The following PHF20L1 variants were observed in gnomAD, a reference collection of about 807,000 sequenced individuals.
PHF20L1 encodes the protein PHD finger protein 20-like protein 1.
In PHF20L1, 44 loss-of-function variants were observed where a neutral mutation model predicts 125.5. That is an observed-to-expected ratio of 0.35 (90% CI 0.28 to 0.45). PHF20L1 has a LOEUF of 0.45. PHF20L1 is among the 20% of genes least tolerant of loss of function. The pLI, the probability that PHF20L1 is intolerant of heterozygous loss-of-function variation, is 1.00. For synonymous variants in PHF20L1, 380 were observed against 403.1 expected (o/e 0.94, Z 0.69); for missense variants, 1,012 against 1,217.2 (o/e 0.83, Z 2.51).
chr8:132,807,207 T>C (rs1833831947), intron 8 of PHF20L1: 1 of 158,492 alleles, frequency 6.3e-6, no homozygotes, highest in African/African-American at 2.4e-5. Context: ...GTGCAATATA[T>C]ATATACACAC....
chr8:132,780,235 T>A (rs1330211813), intron 2 of PHF20L1, among the ~76,000 whole-genome samples: 1 of 152,150 alleles, frequency 6.6e-6, no homozygotes, highest in Non-Finnish European at 1.5e-5. Flanking sequence ...GGTGTGCTCT[T>A]GGACCAACTA....
At chr8:132,817,117 A>G (rs1294566272) in intron 11 of PHF20L1, 41 bp downstream of exon 11, 2 of 1,260,124 alleles carry the variant, frequency 1.6e-6, no homozygotes, top group African/African-American at 1.5e-5. Flanking sequence ...ACATAAAAGA[A>G]GATAAAGAAA....
chr8:132,807,081 A>G (rs550524868), intron 8 of PHF20L1: 3 of 152,156 alleles, frequency 2.0e-5, no homozygotes, highest in Admixed American at 2.0e-4. Context: ...CAGTATATGG[A>G]ATACGTATAT....
chr8:132,832,669 A>G (rs1400434995), intron 15 of PHF20L1, among the ~76,000 whole-genome samples: 4 of 152,112 alleles, frequency 2.6e-5, no homozygotes, highest in Non-Finnish European at 5.9e-5. Flanking sequence ...ATTCTTCACT[A>G]TCAACTGACA....
rs190759563 is a variant in PHF20L1 at position 132,813,388 on chromosome 8, T to C, written c.931-1249T>C. 3.5e-3 allele frequency among the ~76,000 whole-genome samples: 535 copies of C among 152,138 alleles called. 2 individuals are homozygous for C. The highest frequency in any genetic ancestry group is 5.1e-3 in the Non-Finnish European group (345 of 67,918). ...CTTTTATGTGGTATGTCCAACATGC[T>C]GTCTATAGAGCATTGAAGGTGCCCT... On this transcript the variant is annotated intron_variant, in intron 9 of 20. Transcript: ENST00000395386.
intron 9 of PHF20L1, chr8:132,811,466 G>GT (rs1834382132): frequency 3.0e-6 from 3 of 1,000,390 alleles, no homozygotes; most frequent in African/African-American, 1.7e-5. Flanking sequence ...TTAAAACAGG[G>GT]TTTTTTGACA....
intron 12 of PHF20L1, chr8:132,818,766 T>G (rs574324002): frequency 1.3e-5 from 2 of 152,004 alleles, no homozygotes; most frequent in South Asian, 4.1e-4. Context: ...TTGAGATACT[T>G]TTTTGATAAA....
At chr8:132,843,615 G>GTC (rs1371258197) in intron 19 of PHF20L1, 3 of 970,188 alleles carry the variant, frequency 3.1e-6, no homozygotes, top group Non-Finnish European at 3.7e-6. Context: ...TTGTGTGTGT[G>GTC]TGTGTGTGTG....
At chr8:132,790,354 C>A (rs1293793267) in intron 2 of PHF20L1, among the ~76,000 whole-genome samples, 3 of 152,116 alleles carry the variant, frequency 2.0e-5, no homozygotes, top group Non-Finnish European at 1.5e-5. Flanking sequence ...TGTTAAATTA[C>A]CATTTAATGC....
At chr8:132,815,201 G>A (rs1834823231) in intron 10 of PHF20L1, 1 of 182,810 alleles carries the variant, frequency 5.5e-6, no homozygotes, top group East Asian at 1.3e-4. Context: ...GTTATAAAAA[G>A]ACCCAGGATA....
At chr8:132,822,953 T>TA (rs1835763256) in intron 12 of PHF20L1, among the ~76,000 whole-genome samples, 1 of 151,960 alleles carries the variant, frequency 6.6e-6, no homozygotes, top group Non-Finnish European at 1.5e-5. Flanking sequence ...TGTACTGTAG[T>TA]ATTTTTCTTA....
chr8:132,776,806 GAC>G (rs1829842271), intron 1 of PHF20L1, among the ~76,000 whole-genome samples: 1 of 152,174 alleles, frequency 6.6e-6, no homozygotes, highest in Non-Finnish European at 1.5e-5. Context: ...AATACCGAAA[GAC>G]ATTTTACGGA....
rs776466562 is a variant in PHF20L1 at position 132,804,752 on chromosome 8, T to TG, written c.847+13dup. 1 of 1,580,956 alleles carries TG rather than the reference T, an allele frequency of 6.3e-7. No homozygotes were observed. Among genetic ancestry groups the TG allele is most frequent in the Non-Finnish European group, 8.6e-7 (1 of 1,166,978 alleles). On this transcript the variant is annotated intron_variant, in intron 8 of 20. Transcript: ENST00000395386. ...TAACAAGATTACTGGTAAACTACAATGATTTTTTTTTTGAGGGGGGGAAAT... is the reference window on the plus strand; with the variant it reads ...TAACAAGATTACTGGTAAACTACAATGGATTTTTTTTTTGAGGGGGGGAAAT...
At chr8:132,816,805 A>AT (rs1216171400) in intron 10 of PHF20L1, 83 bp from the exon 11 acceptor site, 1 of 897,564 alleles carries the variant, frequency 1.1e-6, no homozygotes, top group Non-Finnish European at 1.8e-6. Context: ...AATATAAATC[A>AT]TTTTTTCCCA....
intron 9 of PHF20L1, among the ~76,000 whole-genome samples, chr8:132,814,014 GTT>G (rs1349839636): frequency 1.3e-4 from 19 of 150,710 alleles, no homozygotes; most frequent in Admixed American, 1.3e-3. Flanking sequence ...GTTTTGTATT[GTT>G]TTTTAGTCTT....
chr8:132,843,445 A>T (rs558173818), intron 19 of PHF20L1: 1 of 979,102 alleles, frequency 1.0e-6, no homozygotes, highest in African/African-American at 1.8e-5. Flanking sequence ...TTAAAATTAG[A>T]TGTTTTTTTT....
At position 132,803,862 on chromosome 8, in the gene PHF20L1, A is replaced by G. The variant is rs1216027722; in HGVS notation, c.551A>G (p.Lys184Arg). 6.2e-7 allele frequency: 1 copy of G among 1,609,782 alleles called. No individual in the cohort carries two copies. The highest frequency in any genetic ancestry group is 1.7e-5 in the Admixed American group (1 of 59,748). Residue 184 changes from lysine to arginine, a missense_variant, in exon 7 of 21, where the codon AAG (lysine) becomes AGG (arginine). By Grantham distance (26) the Lys-to-Arg change is conservative. Coordinates refer to ENST00000395386, the MANE Select transcript of PHF20L1 (RefSeq NM_016018.5). The part of the protein sequence containing the change: ...LVKAAAAAAA[K>R]NKTGSKPRTS... Reference sequence around the variant, plus strand: ...AAAGCAGCTGCTGCAGCTGCAGCCAAGAACAAAACAGGGAGTAAACCTCGA... The same window carrying G: ...AAAGCAGCTGCTGCAGCTGCAGCCAGGAACAAAACAGGGAGTAAACCTCGA...
At chr8:132,833,677 T>C (rs1197768060) in intron 15 of PHF20L1, among the ~76,000 whole-genome samples, 1 of 152,084 alleles carries the variant, frequency 6.6e-6, no homozygotes, top group African/African-American at 2.4e-5. Flanking sequence ...TCTCTTGCTA[T>C]AGAAAGATGG....
chr8:132,777,586 A>G (rs781390616), intron 1 of PHF20L1, among the ~76,000 whole-genome samples: 11 of 152,186 alleles, frequency 7.2e-5, no homozygotes, highest in Non-Finnish European at 1.5e-4. Flanking sequence ...TTCTTAAATC[A>G]TTATCAAGAT....
Sources: gnomAD v4.1 joint callset for allele counts (sites outside exome capture counted in the v4.1 genomes callset) on GRCh38, gnomAD v4.1.1 for gene constraint, MANE v1.5 for transcripts, NCBI Gene and HGNC (gene_info 2026-07-23, HGNC 2026-07-21) for gene names.